The following PDZRN4 variants were observed in gnomAD, a reference collection of about 807,000 sequenced individuals.
The protein encoded by PDZRN4 is PDZ domain containing ring finger 4.
Under a neutral mutation model 99.0 loss-of-function variants are expected in PDZRN4, and 70 were observed. That is an observed-to-expected ratio of 0.71 (90% CI 0.58 to 0.86). The LOEUF (loss-of-function observed/expected upper bound fraction) is 0.86. Ranked by LOEUF, PDZRN4 falls within the 40% of genes least tolerant of loss-of-function variation. The pLI is 0.00. For missense variants in PDZRN4, 1,474 were observed against 1,331.2 expected, an observed-to-expected ratio of 1.11 and a Z score of -1.67; for synonymous variants, 551 against 501.6, an observed-to-expected ratio of 1.10 and a Z score of -1.32.
intron 3 of PDZRN4, among the ~76,000 whole-genome samples, chr12:41,312,158 A>C (rs916974546): frequency 1.3e-5 from 2 of 152,142 alleles, no homozygotes; most frequent in African/African-American, 4.8e-5. Flanking sequence ...CATTTTGTCC[A>C]AAATGTCTTC....
intron 3 of PDZRN4, among the ~76,000 whole-genome samples, chr12:41,467,473 CCTA>C (rs1488273209): frequency 5.3e-5 from 8 of 152,136 alleles, no homozygotes; most frequent in Admixed American, 5.2e-4. Context: ...TTATTCCTAT[CCTA>C]CTCAATAGAA....
intron 3 of PDZRN4, among the ~76,000 whole-genome samples, chr12:41,297,297 T>A (rs77923382): frequency 0.011 from 1,639 of 152,310 alleles, 31 homozygotes; most frequent in African/African-American, 0.037. Context: ...ATTTTAATTT[T>A]AAATAGGACA....
At position 41,573,378 on chromosome 12, in the gene PDZRN4, C is replaced by G. The variant is rs200264672; in HGVS notation, c.2599C>G (p.Gln867Glu). The G allele has an allele frequency of 6.2e-7, 1 of 1,613,410 alleles. No individual in the cohort carries two copies. The highest frequency in any genetic ancestry group is 2.2e-5 in the East Asian group (1 of 44,870). ...IQQKSAVEYA[Q>E]SQLSLVSMCK... ...ACAGAAATCTGCAGTCGAGTATGCT[C>G]AGAGTCAGCTCAGCTTGGTGAGCAT... Residue 867 changes from glutamine (Q) to glutamate (E), a missense_variant, in exon 10 of 10, where the codon CAG becomes GAG. Coordinates refer to ENST00000402685, the MANE Select transcript of PDZRN4 (RefSeq NM_001164595.2).
chr12:41,272,980 T>G (rs934132377), intron 3 of PDZRN4, among the ~76,000 whole-genome samples: 2 of 152,060 alleles, frequency 1.3e-5, no homozygotes. Flanking sequence ...AATTGAATTC[T>G]GCAATCAATG....
Position 41,555,930 on chromosome 12 carries a change from C to A in PDZRN4, c.1365+170C>A, listed in dbSNP as rs59767270. ...CATTTAAAACTAATTTAGGATGGTG[C>A]GATATATTAAGAGTGATTAGCTAAT... On this transcript the variant is annotated intron_variant, in intron 7 of 9. Coordinates refer to ENST00000402685, the MANE Select transcript of PDZRN4 (RefSeq NM_001164595.2). 8.5e-3 allele frequency among the ~76,000 whole-genome samples: 1,291 copies of A among 151,692 alleles called. 23 individuals carry two copies. Among genetic ancestry groups the A allele is most frequent in the African/African-American group, 0.029 (1,203 of 41,302 alleles).
intron 3 of PDZRN4, among the ~76,000 whole-genome samples, chr12:41,415,378 A>C (rs1232806824): frequency 6.7e-6 from 1 of 149,098 alleles, no homozygotes; most frequent in Non-Finnish European, 1.5e-5. Context: ...AATAAATGTT[A>C]TATATATATA....
intron 3 of PDZRN4, among the ~76,000 whole-genome samples, chr12:41,495,715 T>A (rs1469939610): frequency 6.6e-6 from 1 of 152,102 alleles, no homozygotes; most frequent in Non-Finnish European, 1.5e-5. Flanking sequence ...CCATGACCCA[T>A]GGAGGACATT....
chr12:41,208,852 T>A (rs1950868000), intron 3 of PDZRN4, among the ~76,000 whole-genome samples: 1 of 151,942 alleles, frequency 6.6e-6, no homozygotes, highest in Non-Finnish European at 1.5e-5. Context: ...TCCTTTTCTT[T>A]CCTTTTTTTA....
At chr12:41,519,988 T>G (rs1470542831) in intron 5 of PDZRN4, among the ~76,000 whole-genome samples, 1 of 152,108 alleles carries the variant, frequency 6.6e-6, no homozygotes, top group Non-Finnish European at 1.5e-5. Context: ...AACGCTGTGC[T>G]TCTGCACACA....
At chr12:41,232,157 G>T (rs1222535616) in intron 3 of PDZRN4, among the ~76,000 whole-genome samples, 1 of 151,710 alleles carries the variant, frequency 6.6e-6, no homozygotes. Context: ...AATCAATTAC[G>T]GAACTGCATG....
intron 3 of PDZRN4, among the ~76,000 whole-genome samples, chr12:41,377,163 A>G (rs959289535): frequency 1.3e-5 from 2 of 152,154 alleles, no homozygotes; most frequent in East Asian, 1.9e-4. Flanking sequence ...AGGAAGTGTG[A>G]TGTCTCCAAC....
intron 3 of PDZRN4, among the ~76,000 whole-genome samples, chr12:41,283,678 A>G (rs1951404042): frequency 6.6e-6 from 1 of 152,206 alleles, no homozygotes; most frequent in South Asian, 2.1e-4. Flanking sequence ...AGGTGGCTTC[A>G]TCCCTGGGAT....
chr12:41,218,056 A>G (rs1950932613), intron 3 of PDZRN4, among the ~76,000 whole-genome samples: 1 of 152,132 alleles, frequency 6.6e-6, no homozygotes, highest in South Asian at 2.1e-4. Flanking sequence ...CAGTTTTCAA[A>G]AGCAGCCTTC....
chr12:41,462,028 T>C (rs1432083608), intron 3 of PDZRN4, among the ~76,000 whole-genome samples: 1 of 152,210 alleles, frequency 6.6e-6, no homozygotes, highest in East Asian at 1.9e-4. Context: ...ACTTTGATAA[T>C]AGCTCTGATT....
At chr12:41,498,256 G>C (rs967368059) in intron 3 of PDZRN4, among the ~76,000 whole-genome samples, 6 of 151,992 alleles carry the variant, frequency 3.9e-5, no homozygotes, top group African/African-American at 1.4e-4. Context: ...GGACATTCCT[G>C]CTCAAAATAC....
chr12:41,552,499 T>C (rs1181050266), intron 5 of PDZRN4, among the ~76,000 whole-genome samples, 157 bp from the exon 6 acceptor site: 5 of 137,858 alleles, frequency 3.6e-5, no homozygotes, highest in African/African-American at 5.1e-5. Context: ...GAAAGAACAT[T>C]TGAATAATAT....
At chr12:41,443,535 G>A (rs2120475984) in intron 3 of PDZRN4, among the ~76,000 whole-genome samples, 1 of 152,198 alleles carries the variant, frequency 6.6e-6, no homozygotes, top group East Asian at 1.9e-4. Flanking sequence ...ACTGTGATAA[G>A]AGTTCAATTG....
chr12:41,569,767 G>A (rs879092168), intron 9 of PDZRN4, among the ~76,000 whole-genome samples: 1 of 152,128 alleles, frequency 6.6e-6, no homozygotes, highest in Admixed American at 6.5e-5. Flanking sequence ...CATCAACATA[G>A]TCATATGTGA....
intron 3 of PDZRN4, among the ~76,000 whole-genome samples, chr12:41,244,493 T>G (rs570877023): frequency 6.6e-6 from 1 of 152,242 alleles, no homozygotes; most frequent in African/African-American, 2.4e-5. Flanking sequence ...CTACATGATC[T>G]GCTCCACTGC....
Sources: allele counts gnomAD v4.1 joint callset (sites outside exome capture counted in the v4.1 genomes callset), GRCh38; gene constraint gnomAD v4.1.1; transcripts MANE v1.5; gene names NCBI Gene and HGNC (gene_info 2026-07-23, HGNC 2026-07-21).